Variants in ATP11A observed in about 807,000 individuals in gnomAD.
The protein encoded by ATP11A is ATPase phospholipid transporting 11A.
Under a neutral mutation model 154.4 loss-of-function variants are expected in ATP11A, and 81 were observed. The observed-to-expected ratio is 0.52, with a 90% confidence interval of 0.44 to 0.63. ATP11A has a LOEUF of 0.63. ATP11A is among the 30% of genes least tolerant of loss of function. The pLI, the probability that ATP11A is intolerant of heterozygous loss-of-function variation, is 0.00. For synonymous variants in ATP11A, 623 were observed against 585.9 expected (o/e 1.06, Z -0.91); for missense variants, 1,316 against 1,474.3 (o/e 0.89, Z 1.76).
chr13:112,885,130 A>C lies in ATP11A; in HGVS notation c.*3264A>C, dbSNP rs1026401140. 4.6e-5 allele frequency: 7 copies of C among 152,326 alleles called. No homozygotes were observed. The highest frequency in any genetic ancestry group is 1.7e-4 in the African/African-American group (7 of 41,460). 9.4% of individuals were successfully genotyped at this position (152,326 alleles called of 1,614,324 possible). On this transcript the variant is annotated 3_prime_UTR_variant, in exon 30 of 30. Transcript: ENST00000375645. ...AAGCATGTGTGACCTACAGACATGC[A>C]GAACATGCACGTGTACACATACCAC... is the stretch of plus-strand genomic sequence containing the variant.
intron 2 of ATP11A, among the ~76,000 whole-genome samples, chr13:112,796,336 C>T (rs2077997924): frequency 6.6e-6 from 1 of 152,152 alleles, no homozygotes; most frequent in African/African-American, 2.4e-5. Context: ...TGTCTGTGGC[C>T]AGGGAATCAA....
chr13:112,859,012 C>A lies in ATP11A; in HGVS notation c.2668-381C>A. The A allele has an allele frequency of 3.5e-6, 1 of 285,424 alleles. No homozygotes were observed. Among genetic ancestry groups the A allele is most frequent in the South Asian group, 3.5e-5 (1 of 28,974 alleles). The allele number at this position is 285,424 out of a possible 1,614,324, so 17.7% of individuals were successfully genotyped here. A position where few individuals can be genotyped will look rare whatever the true frequency, so the allele number is the denominator to read the frequency against. ...CTGCCGTGCCGCGGGAGGAGACCCC[C>A]AGCCCTTTTCTCCCCCCACAGAATT... On this transcript the variant is annotated intron_variant, in intron 22 of 29. Coordinates refer to ENST00000375645, the MANE Select transcript of ATP11A (RefSeq NM_015205.3). The surrounding 1 kb of genome is among the most constrained non-coding windows in gnomAD (Gnocchi z 4.3).
Position 112,854,282 on chromosome 13 carries a change from G to T in ATP11A, c.1995G>T (p.Leu665=). ...LLGATAVEDR[L]QEKAADTIEA... is the part of the protein sequence containing the mutation. ...TGTTTGGTTTTGCCTCCCTCAGGCT[G>T]CAGGAGAAAGCTGCAGACACCATCG... The change falls in exon 19 of 30, where the codon CTG becomes CTT. Residue 665 remains leucine (L), a synonymous_variant. Transcript: ENST00000375645. 6.2e-7 allele frequency: 1 copy of T among 1,614,028 alleles called. No individual in the cohort carries two copies. Among genetic ancestry groups the T allele is most frequent in the Non-Finnish European group, 8.5e-7 (1 of 1,179,990 alleles).
chr13:112,750,498 A>C (rs1401777883), intron 1 of ATP11A, among the ~76,000 whole-genome samples: 1 of 64,938 alleles, frequency 1.5e-5, no homozygotes, highest in Non-Finnish European at 2.7e-5. Flanking sequence ...TTAGGGAAGG[A>C]GAGTCTCCAT....
chr13:112,746,941 T>C lies in ATP11A; in HGVS notation c.40-38194T>C, dbSNP rs1001733744. ...TGTCTATTGAGGTTCTTTGCCTATTTTAAAATCGGGTAATTGATTTTTTTC... is the reference window on the plus strand; with the variant it reads ...TGTCTATTGAGGTTCTTTGCCTATTCTAAAATCGGGTAATTGATTTTTTTC... On this transcript the variant is annotated intron_variant, in intron 1 of 29. Coordinates refer to ENST00000375645, the MANE Select transcript of ATP11A (RefSeq NM_015205.3). The surrounding 1 kb of genome is among the most constrained non-coding windows in gnomAD (Gnocchi z 4.1). 1 of 152,014 alleles carries C rather than the reference T, an allele frequency of 6.6e-6. No homozygotes were observed. The highest frequency in any genetic ancestry group is 6.6e-5 in the Admixed American group (1 of 15,262). 9.4% of individuals were successfully genotyped at this position (152,014 alleles called of 1,614,324 possible).
At chr13:112,845,287 G>T (rs2079553618) in intron 17 of ATP11A, among the ~76,000 whole-genome samples, 1 of 117,760 alleles carries the variant, frequency 8.5e-6, no homozygotes, top group African/African-American at 4.3e-5. Context: ...ATTCAGTCCA[G>T]TTGCCAGGCA....
chr13:112,871,654 G>A (rs2080524539), intron 25 of ATP11A, 81 bp from the exon 26 acceptor site: 3 of 1,335,306 alleles, frequency 2.2e-6, no homozygotes, highest in Admixed American at 1.7e-5. Flanking sequence ...AAAATGAGGT[G>A]TATTTTCTAA....
chr13:112,816,155 G>C lies in ATP11A; in HGVS notation c.514G>C (p.Gly172Arg). Residue 172 changes from glycine to arginine, a missense_variant, in exon 6 of 30, where the codon GGA becomes CGA. Gly to Arg is a moderately radical substitution (Grantham distance 125). This residue lies in a region of ATP11A where 876 missense variants were observed against 1,006.8 expected (regional missense o/e 0.87). Transcript: ENST00000375645. ...CDLIFLSSNR[G>R]DGTCHVTTAS... ...CTTGATCTTCCTTTCCAGCAACCGG[G>C]GAGATGGGACGTGCCACGTCACCAC... 1.9e-6 allele frequency: 3 copies of C among 1,614,190 alleles called. No homozygotes were observed. The highest frequency in any genetic ancestry group is 2.5e-6 in the Non-Finnish European group (3 of 1,180,046).
chr13:112,716,137 C>A (rs1164307486), intron 1 of ATP11A, among the ~76,000 whole-genome samples: 1 of 152,110 alleles, frequency 6.6e-6, no homozygotes, highest in Non-Finnish European at 1.5e-5. Flanking sequence ...GTCCTCTGGC[C>A]TTCTGCAGAT....
chr13:112,801,691 C>T (rs942656989), intron 2 of ATP11A, among the ~76,000 whole-genome samples: 18 of 152,276 alleles, frequency 1.2e-4, no homozygotes, highest in African/African-American at 3.8e-4. Flanking sequence ...CATTTAACCC[C>T]CCCACCCACC....
At position 112,726,913 on chromosome 13, in the gene ATP11A, A is replaced by G. The variant is rs4907746; in HGVS notation, c.39+36458A>G. 5.4e-3 allele frequency among the ~76,000 whole-genome samples: 826 copies of G among 152,334 alleles called. 7 individuals carry two copies. The highest frequency in any genetic ancestry group is 0.018 in the African/African-American group (743 of 41,578). ...TTCCTTGGGACATGGATAATAGGGA[A>G]AAATCTCACAGAAAACTGGGGACAT... is the stretch of plus-strand genomic sequence containing the variant. On this transcript the variant is annotated intron_variant, in intron 1 of 29. Transcript: ENST00000375645.
At chr13:112,783,393 C>T (rs556459862) in intron 1 of ATP11A, among the ~76,000 whole-genome samples, 1 of 152,216 alleles carries the variant, frequency 6.6e-6, no homozygotes, top group Non-Finnish European at 1.5e-5. Context: ...GGGCCGGGCC[C>T]CTGGCCTTGT....
rs2077613258 is a variant in ATP11A, at chr13:112,785,896, G to T, written c.162+639G>T. Among the ~76,000 whole-genome samples the T allele has an allele frequency of 6.6e-6, 1 of 152,190 alleles. No homozygotes were observed. The stretch of plus-strand genomic sequence containing the variant: ...TTTAGCTGCTGCCATTAAACATGGG[G>T]TAAACTGTGCTTTCCAGGTAATGCG... On this transcript the variant is annotated intron_variant, in intron 2 of 29. Transcript: ENST00000375645. This position sits in a 1 kb window ranked among gnomAD's most constrained non-coding sequence, Gnocchi z 4.8.
intron 1 of ATP11A, among the ~76,000 whole-genome samples, chr13:112,752,488 G>C (rs2076717696): frequency 6.6e-6 from 1 of 152,168 alleles, no homozygotes; most frequent in Non-Finnish European, 1.5e-5. Flanking sequence ...GGGCGCCCCT[G>C]TGCGGAGCGG....
chr13:112,785,178 TG>T lies in ATP11A; in HGVS notation c.86del (p.Gly29AspfsTer44). 1 of 1,578,084 alleles carries T rather than the reference TG, an allele frequency of 6.3e-7. No individual in the cohort carries two copies. Among genetic ancestry groups the T allele is most frequent in the Non-Finnish European group, 8.6e-7 (1 of 1,162,670 alleles). ...ENWVDSRTIY[V>X]GHREPPPGAE... ...TGGGTGGACAGCAGGACCATCTACG[TG>T]GGACACAGGGAGCCACCTCCGGGCG... On this transcript the variant is annotated frameshift_variant, in exon 2 of 30. Transcript: ENST00000375645. LOFTEE classifies it high-confidence loss of function. The surrounding 1 kb of genome is among the most constrained non-coding windows in gnomAD (Gnocchi z 4.8).
At position 112,838,993 on chromosome 13, in the gene ATP11A, T is replaced by G. The variant is rs1221709283; in HGVS notation, c.1705+2742T>G. ...GGGGGTTGCGGCTGTCAGAGCCGGA[T>G]CTCACTGTTTTGGGGCTGAGCAGCC... On this transcript the variant is annotated intron_variant, in intron 16 of 29. Transcript: ENST00000375645. The surrounding 1 kb of genome is among the most constrained non-coding windows in gnomAD (Gnocchi z 7.3). Among the ~76,000 whole-genome samples, 6 of 152,156 alleles carry G rather than the reference T, an allele frequency of 3.9e-5. No individual in the cohort carries two copies. Among genetic ancestry groups the G allele is most frequent in the Non-Finnish European group, 2.9e-5 (2 of 68,030 alleles).
At chr13:112,779,121 TGAGTAGCCGCTGG>T (rs2077428899) in intron 1 of ATP11A, among the ~76,000 whole-genome samples, 1 of 24,042 alleles carries the variant, frequency 4.2e-5, no homozygotes, top group Non-Finnish European at 7.1e-5. Context: ...GCCACTGGAG[TGAGTAGCCGCTGG>T]AGTGAGTAGC....
chr13:112,691,388 C>T (rs1268525949), intron 1 of ATP11A, among the ~76,000 whole-genome samples: 9 of 148,046 alleles, frequency 6.1e-5, no homozygotes, highest in African/African-American at 2.3e-4. Context: ...CGCTTGAACC[C>T]GGGAGGCGGT....
Position 112,864,929 on chromosome 13 carries a change from A to G in ATP11A, c.2991+2354A>G, listed in dbSNP as rs562742014. Among the ~76,000 whole-genome samples, 150 of 58,700 alleles carry G rather than the reference A, an allele frequency of 2.6e-3. 2 individuals carry two copies. The highest frequency in any genetic ancestry group is 6.2e-3 in the African/African-American group (126 of 20,198). The allele number at this position is 58,700 out of a possible 152,430, so 38.5% of individuals were successfully genotyped here. A position where few individuals can be genotyped will look rare whatever the true frequency, so the allele number is the denominator to read the frequency against. ...GGGGTCCATCACCACCTGCGCAGTA[A>G]TTCAGTGCGGCCCATGCAGCTTCTC... On this transcript the variant is annotated intron_variant, in intron 25 of 29. Transcript: ENST00000375645.
Sources: gnomAD v4.1 joint callset for allele counts (sites outside exome capture counted in the v4.1 genomes callset) on GRCh38, gnomAD v4.1.1 for gene constraint, gnomAD v4.1.1 regional missense constraint, Gnocchi (gnomAD v3.1) non-coding constraint, MANE v1.5 for transcripts, NCBI Gene and HGNC (gene_info 2026-07-23, HGNC 2026-07-21) for gene names.